CPE: variants seen among roughly 807,000 people sequenced by gnomAD.
CPE encodes the protein carboxypeptidase E.
In CPE, 17 loss-of-function variants were observed where a neutral mutation model predicts 53.5. The observed-to-expected ratio is 0.32, with a 90% CI of 0.22 to 0.48. The LOEUF (loss-of-function observed/expected upper bound fraction) is 0.48. CPE is among the 20% of genes least tolerant of loss of function. The probability of loss-of-function intolerance (pLI) is 0.99; values close to 1 mark genes in which losing one functional copy is unlikely to be tolerated. For synonymous variants in CPE, 226 were observed against 228.8 expected, an observed-to-expected ratio of 0.99 and a Z score of 0.11; for missense variants, 524 against 614.7, an observed-to-expected ratio of 0.85 and a Z score of 1.56.
chr4:165,395,859 G>A (rs1730755628), intron 1 of CPE, among the ~76,000 whole-genome samples: 1 of 152,166 alleles, frequency 6.6e-6, no homozygotes, highest in Non-Finnish European at 1.5e-5. Flanking sequence ...GTCATGAAAG[G>A]TTTGTGAACC....
chr4:165,399,210 G>T (rs1016534748), intron 1 of CPE, among the ~76,000 whole-genome samples: 2 of 152,110 alleles, frequency 1.3e-5, no homozygotes, highest in African/African-American at 4.8e-5. Flanking sequence ...TAATATATCA[G>T]AGCATAAACA....
chr4:165,454,281 T>C (rs1288935165), intron 1 of CPE, among the ~76,000 whole-genome samples: 1 of 152,166 alleles, frequency 6.6e-6, no homozygotes, highest in Admixed American at 6.5e-5. Context: ...TTATTCTCCT[T>C]CAGAAGATTC....
intron 1 of CPE, among the ~76,000 whole-genome samples, chr4:165,432,790 A>G (rs767728765): frequency 1.3e-5 from 2 of 152,122 alleles, no homozygotes; most frequent in Non-Finnish European, 2.9e-5. Context: ...TGTGGCCTAA[A>G]CAGCGCAACC....
At chr4:165,438,375 G>A (rs1406481924) in intron 1 of CPE, among the ~76,000 whole-genome samples, 1 of 152,154 alleles carries the variant, frequency 6.6e-6, no homozygotes, top group Non-Finnish European at 1.5e-5. Flanking sequence ...TCTAGAGAAA[G>A]TGACAGGTAT....
chr4:165,493,143 A>T, intron 6 of CPE, 28 bp from the exon 7 acceptor site: 2 of 1,459,012 alleles, frequency 1.4e-6, no homozygotes, highest in South Asian at 1.2e-5. Flanking sequence ...GGTCATATTA[A>T]TTTTTTGGTT....
intron 1 of CPE, among the ~76,000 whole-genome samples, chr4:165,407,856 C>A (rs1730976770): frequency 6.9e-6 from 1 of 144,568 alleles, no homozygotes; most frequent in Non-Finnish European, 1.5e-5. Flanking sequence ...GCGCCCGACC[C>A]AACTTTTTTT....
At chr4:165,438,444 CCTT>C (rs1731550225) in intron 1 of CPE, among the ~76,000 whole-genome samples, 2 of 152,052 alleles carry the variant, frequency 1.3e-5, no homozygotes, top group Admixed American at 1.3e-4. Context: ...GGTCATCTAT[CCTT>C]CTTTATTTGA....
At chr4:165,422,660 T>C (rs1453181036) in intron 1 of CPE, among the ~76,000 whole-genome samples, 1 of 152,060 alleles carries the variant, frequency 6.6e-6, no homozygotes, top group Non-Finnish European at 1.5e-5. Flanking sequence ...TAGGAAGAAA[T>C]GAGACGTCAA....
At chr4:165,414,673 A>G (rs1057373051) in intron 1 of CPE, among the ~76,000 whole-genome samples, 1 of 150,384 alleles carries the variant, frequency 6.6e-6, no homozygotes, top group African/African-American at 2.4e-5. Flanking sequence ...ACGTAGATAT[A>G]GAGATAAAGT....
intron 1 of CPE, chr4:165,414,971 G>A (rs556072837): frequency 6.6e-6 from 1 of 152,632 alleles, no homozygotes; most frequent in Non-Finnish European, 1.5e-5. Context: ...AGATGAATGA[G>A]TTGTCTCATA....
At position 165,443,989 on chromosome 4, in the gene CPE, C is replaced by T. The variant is rs544793910; in HGVS notation, c.308-20401C>T. 5.9e-5 allele frequency among the ~76,000 whole-genome samples: 9 copies of T among 152,244 alleles called. No individual in the cohort carries two copies. The East Asian group carries it at 9.7e-4, about 16-fold the overall frequency. On this transcript the variant is annotated intron_variant, in intron 1 of 8. Transcript: ENST00000402744. ...CATAAAGGGGGCCTTTAGCAAACGC[C>T]GGCTCTGCCAGTGCCTTGACCTTGG...
chr4:165,461,791 A>G (rs914023038), intron 1 of CPE, among the ~76,000 whole-genome samples: 1 of 152,212 alleles, frequency 6.6e-6, no homozygotes, highest in African/African-American at 2.4e-5. Context: ...TATTTAAACA[A>G]TGTGGCTGTT....
chr4:165,486,708 C>A (rs534586523), intron 5 of CPE, among the ~76,000 whole-genome samples: 2 of 152,180 alleles, frequency 1.3e-5, no homozygotes, highest in Non-Finnish European at 2.9e-5. Context: ...TATCCGATTG[C>A]CCCCCTACCC....
intron 5 of CPE, among the ~76,000 whole-genome samples, chr4:165,485,633 C>T (rs1230754818): frequency 6.6e-6 from 1 of 152,094 alleles, no homozygotes; most frequent in South Asian, 2.1e-4. Context: ...TTTATAAAAA[C>T]TTTAATGACT....
intron 1 of CPE, among the ~76,000 whole-genome samples, chr4:165,428,962 G>A (rs1347415214): frequency 6.6e-6 from 1 of 152,116 alleles, no homozygotes; most frequent in Non-Finnish European, 1.5e-5. Context: ...TTAGGGCATG[G>A]ATATCTGTTG....
chr4:165,487,626 C>T, intron 6 of CPE, 49 bp downstream of exon 6: 1 of 1,607,234 alleles, frequency 6.2e-7, no homozygotes, highest in South Asian at 1.1e-5. Flanking sequence ...AGCATTCAAA[C>T]CTGTCCTACA....
intron 5 of CPE, among the ~76,000 whole-genome samples, chr4:165,486,708 C>T (rs534586523): frequency 1.2e-4 from 19 of 152,298 alleles, no homozygotes; most frequent in African/African-American, 4.6e-4. Flanking sequence ...TATCCGATTG[C>T]CCCCCTACCC....
Position 165,379,602 on chromosome 4 carries a change from G to C in CPE, c.307+74G>C. On this transcript the variant is annotated intron_variant, in intron 1 of 8. Transcript: ENST00000402744. The surrounding 1 kb of genome is among the most constrained non-coding windows in gnomAD (Gnocchi z 6.0). ...GGCAGAGGGTGGGACTGGTGGCGGT[G>C]GGGGAAGGAGGGAGGGATGGGCCCA... 8.0e-7 allele frequency: 1 copy of C among 1,247,902 alleles called. No individual in the cohort carries two copies. The highest frequency in any genetic ancestry group is 1.1e-6 in the Non-Finnish European group (1 of 941,014). The allele number at this position is 1,247,902 out of a possible 1,614,324, so 77.3% of individuals were successfully genotyped here.
At chr4:165,392,293 A>G (rs2126656056) in intron 1 of CPE, among the ~76,000 whole-genome samples, 1 of 146,674 alleles carries the variant, frequency 6.8e-6, no homozygotes, top group South Asian at 2.1e-4. Flanking sequence ...GTATGTATCT[A>G]TAATATATAT....
Sources: allele counts gnomAD v4.1 joint callset (sites outside exome capture counted in the v4.1 genomes callset), GRCh38; gene constraint gnomAD v4.1.1; non-coding constraint Gnocchi (gnomAD v3.1); transcripts MANE v1.5; gene names NCBI Gene and HGNC (gene_info 2026-07-23, HGNC 2026-07-21).